Variants in BCAT2 observed in about 807,000 individuals in gnomAD.
BCAT2 encodes the protein branched chain amino acid transaminase 2, also known as branched-chain-amino-acid aminotransferase, mitochondrial.
In BCAT2, 44 loss-of-function variants were observed where a neutral mutation model predicts 52.9. That is an observed-to-expected ratio of 0.83 (90% confidence interval 0.65 to 1.07). The LOEUF (loss-of-function observed/expected upper bound fraction) is 1.07. BCAT2 is among the 50% of genes least tolerant of loss of function. BCAT2 has a pLI of 0.00. For missense variants in BCAT2, 478 were observed against 521.8 expected, an observed-to-expected ratio of 0.92 and a Z score of 0.82; for synonymous variants, 215 against 217.1, an observed-to-expected ratio of 0.99 and a Z score of 0.08.
Position 48,806,654 on chromosome 19 carries a change from G to C in BCAT2, c.163C>G (p.Leu55Val), listed in dbSNP as rs1568510948. The C allele has an allele frequency of 1.9e-6, 3 of 1,613,990 alleles. No homozygotes were observed. The highest frequency in any genetic ancestry group is 2.5e-6 in the Non-Finnish European group (3 of 1,180,060). Residue 55 changes from leucine to valine, a missense_variant, in exon 3 of 11, where the codon CTG (leucine) becomes GTG (valine). Coordinates refer to ENST00000316273, the MANE Select transcript of BCAT2 (RefSeq NM_001190.4). ...PHKKPGPGEP[L>V]VFGKTFTDHM... ...TCGGTAAATGTCTTCCCAAACACCA[G>C]GGGCTCGCCGGGGCCAGGCTTCTTA...
chr19:48,809,395 T>C (rs2034870589), intron 1 of BCAT2, among the ~76,000 whole-genome samples: 1 of 152,024 alleles, frequency 6.6e-6, no homozygotes, highest in African/African-American at 2.4e-5. Context: ...GGAGTGTCAC[T>C]GTCAAAGCCC....
At position 48,800,035 on chromosome 19, in the gene BCAT2, G is replaced by C. The variant is rs929811487; in HGVS notation, c.477C>G (p.Val159=). The C allele has an allele frequency of 6.2e-7, 1 of 1,613,796 alleles. No individual in the cohort carries two copies. Among genetic ancestry groups the C allele is most frequent in the East Asian group, 2.2e-5 (1 of 44,896 alleles). The change falls in exon 5 of 11, where the codon GTC becomes GTG. Residue 159 remains valine, a synonymous_variant. Coordinates refer to ENST00000316273, the MANE Select transcript of BCAT2 (RefSeq NM_001190.4). The part of the protein sequence containing the change: ...RRLIEVDKDW[V]PDAAGTSLYV... ...AGAGGCTGGTGCCGGCGGCATCGGG[G>C]ACCCAGTCCTTGTCCACTTCGATGA...
chr19:48,809,260 G>A (rs1057314525), intron 1 of BCAT2, among the ~76,000 whole-genome samples: 3 of 151,912 alleles, frequency 2.0e-5, no homozygotes, highest in East Asian at 1.9e-4. Context: ...AGCAAGACTC[G>A]GTCAAAAAGA....
In BCAT2 at chr19:48,806,577, G is replaced by C; in HGVS notation, c.240C>G (p.Ile80Met). 1 of 1,614,186 alleles carries C rather than the reference G, an allele frequency of 6.2e-7. No homozygotes were observed. The highest frequency in any genetic ancestry group is 8.5e-7 in the Non-Finnish European group (1 of 1,180,026). Residue 80 changes from isoleucine (I) to methionine (M), a missense_variant, in exon 3 of 11, where the codon ATC becomes ATG. Transcript: ENST00000316273. ...GCAGCGTGAGGTTCTGGAAGGGCTG[G>C]ATTCGGGGCTGGCCCCAGCCCTTGT... ...WNDKGWGQPR[I>M]QPFQNLTLHP...
At chr19:48,802,139 A>G (rs866072295) in intron 3 of BCAT2, among the ~76,000 whole-genome samples, 7 of 152,134 alleles carry the variant, frequency 4.6e-5, no homozygotes, top group Non-Finnish European at 1.0e-4. Flanking sequence ...TAAGCTCGTG[A>G]GAAGATAGTC....
intron 3 of BCAT2, among the ~76,000 whole-genome samples, chr19:48,803,898 G>A (rs2034707987): frequency 1.3e-5 from 2 of 152,216 alleles, no homozygotes; most frequent in Admixed American, 6.5e-5. Context: ...CGTGGCTCAC[G>A]CCAGTAATCC....
chr19:48,797,372 C>T, intron 6 of BCAT2, 39 bp from the exon 7 acceptor site: 2 of 1,609,888 alleles, frequency 1.2e-6, no homozygotes, highest in Non-Finnish European at 1.7e-6. Flanking sequence ...GCAAGGGAGC[C>T]CCATCCTTCC....
Position 48,799,964 on chromosome 19 carries a change from C to G in BCAT2, c.531+17G>C, listed in dbSNP as rs1158105051. The G allele has an allele frequency of 6.2e-7, 1 of 1,612,162 alleles. No individual in the cohort carries two copies. Among genetic ancestry groups the G allele is most frequent in the East Asian group, 2.2e-5 (1 of 44,816 alleles). On this transcript the variant is annotated intron_variant, in intron 5 of 10. Coordinates refer to ENST00000316273, the MANE Select transcript of BCAT2 (RefSeq NM_001190.4). This position sits in a 1 kb window ranked among gnomAD's most constrained non-coding sequence, Gnocchi z 5.5. Reference sequence around the variant, plus strand: ...AACCCCCGCAGCCCAGCTTCCCAGCCCTGGAGTTGGGCCCACCTCGTTCCC... The same window carrying G: ...AACCCCCGCAGCCCAGCTTCCCAGCGCTGGAGTTGGGCCCACCTCGTTCCC...
chr19:48,796,227 G>C (rs1282089838), intron 10 of BCAT2: 2 of 651,808 alleles, frequency 3.1e-6, no homozygotes, highest in African/African-American at 3.7e-5. Context: ...GGAGCTCCCA[G>C]GAAAGGGTGA....
At chr19:48,803,622 T>C (rs1337169812) in intron 3 of BCAT2, among the ~76,000 whole-genome samples, 1 of 149,768 alleles carries the variant, frequency 6.7e-6, no homozygotes, top group African/African-American at 2.5e-5. Flanking sequence ...CCGAAGCAGG[T>C]GGATCACTTG....
intron 10 of BCAT2, among the ~76,000 whole-genome samples, 200 bp from the exon 11 acceptor site, chr19:48,795,664 G>C (rs1422870415): frequency 6.6e-6 from 1 of 152,182 alleles, no homozygotes; most frequent in African/African-American, 2.4e-5. Flanking sequence ...GGGAGATGTA[G>C]TTCTGAAGAC....
chr19:48,809,804 A>G (rs746192218), intron 1 of BCAT2, among the ~76,000 whole-genome samples: 26 of 151,518 alleles, frequency 1.7e-4, no homozygotes, highest in Non-Finnish European at 3.7e-4. Context: ...GTCTTTTTCA[A>G]TCCCCAGGAC....
In BCAT2 at chr19:48,800,801, T is replaced by C. The variant is rs2034642035; in HGVS notation, c.301-504A>G. ...TCCAGCCTGGGACCTAGTTTTTTTTTTCTGGAGACTCTGTCCCTGATCACT... is the reference window on the plus strand; with the variant it reads ...TCCAGCCTGGGACCTAGTTTTTTTTCTCTGGAGACTCTGTCCCTGATCACT... On this transcript the variant is annotated intron_variant, in intron 3 of 10. Transcript: ENST00000316273. Among the ~76,000 whole-genome samples, 3 of 151,894 alleles carry C rather than the reference T, an allele frequency of 2.0e-5. No homozygotes were observed. The South Asian group carries it at 6.2e-4, about 32-fold the overall frequency.
At chr19:48,803,023 T>C (rs975956978) in intron 3 of BCAT2, among the ~76,000 whole-genome samples, 2 of 152,082 alleles carry the variant, frequency 1.3e-5, no homozygotes, top group African/African-American at 4.8e-5. Flanking sequence ...AGTGAGATCC[T>C]GTCTTTGCAC....
rs142099967 is a variant in BCAT2 at position 48,806,597 on chromosome 19, C to A, written c.220G>T (p.Gly74Cys). The A allele has an allele frequency of 6.2e-7, 1 of 1,614,136 alleles. No homozygotes were observed. Among genetic ancestry groups the A allele is most frequent in the Admixed American group, 1.7e-5 (1 of 60,008 alleles). Residue 74 changes from glycine (G) to cysteine (C), a missense_variant, in exon 3 of 11, where the codon GGC (glycine) becomes TGC (cysteine). By Grantham distance (159) the Gly-to-Cys change is radical (BLOSUM62 -3). Transcript: ENST00000316273. ...HMLMVEWNDKGWGQPRIQPFQ... is the reference protein window; with the variant it reads ...HMLMVEWNDKCWGQPRIQPFQ... ...GGCTGGATTCGGGGCTGGCCCCAGC[C>A]CTTGTCATTCCATTCCACCATCAGC...
At chr19:48,805,125 G>A (rs1470302512) in intron 3 of BCAT2, among the ~76,000 whole-genome samples, 5 of 152,154 alleles carry the variant, frequency 3.3e-5, no homozygotes, top group Admixed American at 3.3e-4. Flanking sequence ...CCAGTTACTG[G>A]AGCTGTAAGA....
intron 3 of BCAT2, among the ~76,000 whole-genome samples, chr19:48,801,113 G>A (rs1042348800): frequency 6.6e-6 from 1 of 151,944 alleles, no homozygotes; most frequent in Non-Finnish European, 1.5e-5. Context: ...TCGGCCTCCT[G>A]GGTAGCTGGG....
chr19:48,810,963 G>T, intron 1 of BCAT2, 21 bp downstream of exon 1: 1 of 1,607,120 alleles, frequency 6.2e-7, no homozygotes, highest in Non-Finnish European at 8.5e-7. Context: ...CCCAGACCCC[G>T]GCGCGGGGCT....
chr19:48,801,565 A>AATAT (rs377161701), intron 3 of BCAT2, among the ~76,000 whole-genome samples: 4 of 150,338 alleles, frequency 2.7e-5, no homozygotes, highest in East Asian at 1.9e-4. Flanking sequence ...GTCTAAACAA[A>AATAT]ATATATATAT....
Sources: allele counts gnomAD v4.1 joint callset (sites outside exome capture counted in the v4.1 genomes callset), GRCh38; gene constraint gnomAD v4.1.1; non-coding constraint Gnocchi (gnomAD v3.1); transcripts MANE v1.5; gene names NCBI Gene and HGNC (gene_info 2026-07-23, HGNC 2026-07-21).